GRID2: variants seen among roughly 807,000 people sequenced by gnomAD.
GRID2 encodes glutamate receptor ionotropic, delta-2.
Under a neutral mutation model 114.8 loss-of-function variants are expected in GRID2, and 33 were observed. That is an observed-to-expected ratio of 0.29 (90% CI 0.22 to 0.38). The LOEUF is 0.38. GRID2 is among the 10% of genes least tolerant of loss of function. GRID2 has a pLI of 1.00. For missense variants in GRID2, 1,184 were observed against 1,257.7 expected, an observed-to-expected ratio of 0.94 and a Z score of 0.89; for synonymous variants, 505 against 449.9, an observed-to-expected ratio of 1.12 and a Z score of -1.55.
At chr4:92,439,529 G>GGGA (rs1732915703) in intron 1 of GRID2, among the ~76,000 whole-genome samples, 1 of 151,818 alleles carries the variant, frequency 6.6e-6, no homozygotes, top group African/African-American at 2.4e-5. Context: ...TGCTTCAAGC[G>GGGA]GGATTAGGGG....
chr4:93,538,320 C>G (rs1187581003), intron 13 of GRID2, among the ~76,000 whole-genome samples: 1 of 151,294 alleles, frequency 6.6e-6, no homozygotes, highest in Non-Finnish European at 1.5e-5. Context: ...AGAAATAACA[C>G]AAGAAAGATG....
rs1366080387 is a variant in GRID2 at position 92,658,777 on chromosome 4, GTA to G, written c.244+68493_244+68494del. On this transcript the variant is annotated intron_variant, in intron 2 of 15. Transcript: ENST00000282020. ...TGAACTACAATGAATGTGTTTGCAT[GTA>G]TGTGTGTGTGTGTGTATATATATAT... is the stretch of plus-strand genomic sequence containing the variant. Among the ~76,000 whole-genome samples, 96 of 97,510 alleles carry G rather than the reference GTA, an allele frequency of 9.8e-4. 1 individual carries two copies. The highest frequency in any genetic ancestry group is 4.7e-3 in the East Asian group (15 of 3,196). The allele number at this position is 97,510 out of a possible 152,430, so 64.0% of individuals were successfully genotyped here.
At chr4:93,156,745 C>G (rs1025976805) in intron 4 of GRID2, among the ~76,000 whole-genome samples, 1 of 151,646 alleles carries the variant, frequency 6.6e-6, no homozygotes, top group African/African-American at 2.4e-5. Context: ...ATCCAGTAGA[C>G]AGTTGAATGT....
intron 8 of GRID2, among the ~76,000 whole-genome samples, chr4:93,354,671 CGTGTGTGTGT>C (rs35452796): frequency 0.043 from 5,640 of 130,252 alleles, 167 homozygotes; most frequent in Admixed American, 0.11. Context: ...GTGGCTCATC[CGTGTGTGTGT>C]GTGTGTGTGT....
rs368684530 is a variant in GRID2 at position 92,756,915 on chromosome 4, T to A, written c.244+166629T>A. Among the ~76,000 whole-genome samples, 21 of 152,206 alleles carry A rather than the reference T, an allele frequency of 1.4e-4. No homozygotes were observed. The East Asian group carries it at 2.7e-3, about 20-fold the overall frequency. ...CATTCAACAGTTTGTCTCTTTATTA[T>A]GTTGATTGTTTCCTTGCTGTGCAGA... On this transcript the variant is annotated intron_variant, in intron 2 of 15. Coordinates refer to ENST00000282020, the MANE Select transcript of GRID2 (RefSeq NM_001510.4).
intron 14 of GRID2, among the ~76,000 whole-genome samples, chr4:93,741,186 T>TATATATAC (rs1471036864): frequency 6.3e-5 from 2 of 31,590 alleles, no homozygotes; most frequent in African/African-American, 9.9e-5. Context: ...TATATATATA[T>TATATATAC]ATATATATAT....
chr4:92,390,245 CA>C (rs1462776996), intron 1 of GRID2, among the ~76,000 whole-genome samples: 2 of 152,086 alleles, frequency 1.3e-5, no homozygotes, highest in African/African-American at 2.4e-5. Context: ...TTACCTTCAA[CA>C]ACAAACCAGT....
At chr4:93,076,044 C>T (rs1729259080) in intron 2 of GRID2, among the ~76,000 whole-genome samples, 1 of 151,652 alleles carries the variant, frequency 6.6e-6, no homozygotes, top group Admixed American at 6.6e-5. Context: ...GCTGGGACTA[C>T]AGGCACCCGC....
chr4:92,804,439 T>C (rs1056244254), intron 2 of GRID2, among the ~76,000 whole-genome samples: 1 of 152,000 alleles, frequency 6.6e-6, no homozygotes, highest in Non-Finnish European at 1.5e-5. Context: ...TTATATCATA[T>C]GTCAGGAGAA....
At chr4:93,279,318 A>G (rs1416845076) in intron 8 of GRID2, among the ~76,000 whole-genome samples, 1 of 151,872 alleles carries the variant, frequency 6.6e-6, no homozygotes, top group African/African-American at 2.4e-5. Context: ...ATACTGTACT[A>G]GAACATAAAA....
At chr4:93,282,330 AC>A in intron 8 of GRID2, 1 of 420,056 alleles carries the variant, frequency 2.4e-6, no homozygotes, top group Non-Finnish European at 4.7e-6. Flanking sequence ...ATGACAGAAT[AC>A]CAGAGATGGA....
chr4:92,899,745 C>T (rs770537237), intron 2 of GRID2, among the ~76,000 whole-genome samples: 1 of 152,042 alleles, frequency 6.6e-6, no homozygotes, highest in Non-Finnish European at 1.5e-5. Flanking sequence ...TTTGCTTGTA[C>T]CTAAGTTGAT....
At chr4:92,534,816 C>A (rs556669722) in intron 1 of GRID2, among the ~76,000 whole-genome samples, 1 of 151,964 alleles carries the variant, frequency 6.6e-6, no homozygotes, top group Non-Finnish European at 1.5e-5. Context: ...TTATTAAAGA[C>A]GTTAATATTA....
At chr4:93,502,485 C>T (rs540059294) in intron 12 of GRID2, among the ~76,000 whole-genome samples, 1 of 151,892 alleles carries the variant, frequency 6.6e-6, no homozygotes, top group African/African-American at 2.4e-5. Flanking sequence ...AAAAAAAATC[C>T]TTTTTTGTCA....
At chr4:92,880,932 C>T (rs1350485220) in intron 2 of GRID2, among the ~76,000 whole-genome samples, 3 of 151,790 alleles carry the variant, frequency 2.0e-5, no homozygotes, top group Non-Finnish European at 2.9e-5. Context: ...GACTGAGTCT[C>T]ACTCTGTCGC....
At chr4:92,536,711 T>G (rs999092597) in intron 1 of GRID2, among the ~76,000 whole-genome samples, 4 of 152,352 alleles carry the variant, frequency 2.6e-5, no homozygotes, top group African/African-American at 7.2e-5. Flanking sequence ...TCCCAGATTT[T>G]TTCTCTTATA....
chr4:92,533,519 G>A (rs563982324), intron 1 of GRID2, among the ~76,000 whole-genome samples: 1 of 151,942 alleles, frequency 6.6e-6, no homozygotes, highest in East Asian at 1.9e-4. Context: ...AAAATAAAAT[G>A]TGTTTCATTC....
intron 14 of GRID2, among the ~76,000 whole-genome samples, chr4:93,660,104 G>A (rs993448769): frequency 2.6e-5 from 4 of 151,718 alleles, no homozygotes; most frequent in African/African-American, 9.7e-5. Flanking sequence ...TTGAATTTAA[G>A]AACATTATCC....
chr4:92,655,753 T>C (rs921760042), intron 2 of GRID2, among the ~76,000 whole-genome samples: 13 of 151,790 alleles, frequency 8.6e-5, no homozygotes, highest in African/African-American at 3.1e-4. Context: ...GTATCAGTTC[T>C]AAGTCTTCAG....
Sources: allele counts gnomAD v4.1 joint callset (sites outside exome capture counted in the v4.1 genomes callset), GRCh38; gene constraint gnomAD v4.1.1; transcripts MANE v1.5; gene names NCBI Gene and HGNC (gene_info 2026-07-23, HGNC 2026-07-21).